FOXN3: variants seen among roughly 807,000 people sequenced by gnomAD.
FOXN3 encodes forkhead box N3.
Under a neutral mutation model 38.4 loss-of-function variants are expected in FOXN3, and 7 were observed. That is an observed-to-expected ratio of 0.18 (90% CI 0.10 to 0.34). The LOEUF (loss-of-function observed/expected upper bound fraction) is 0.34. FOXN3 is among the 10% of genes least tolerant of loss of function. The pLI is 1.00. For missense variants in FOXN3, 456 were observed against 613.4 expected (o/e 0.74, Z 2.71); for synonymous variants, 230 against 242.2 (o/e 0.95, Z 0.47).
chr14:89,232,109 C>T (rs1057106390), intron 4 of FOXN3, among the ~76,000 whole-genome samples: 49 of 152,290 alleles, frequency 3.2e-4, no homozygotes, highest in Admixed American at 2.7e-3. Flanking sequence ...TGCCTCATGG[C>T]GGATGTAGAA....
chr14:89,265,201 C>T (rs1038174975), intron 4 of FOXN3, among the ~76,000 whole-genome samples: 2 of 152,152 alleles, frequency 1.3e-5, no homozygotes, highest in African/African-American at 2.4e-5. Flanking sequence ...CCATCTTTAG[C>T]GATTTTTAAA....
At chr14:89,415,857 C>CAG (rs956548088) in intron 1 of FOXN3, among the ~76,000 whole-genome samples, 8 of 116,368 alleles carry the variant, frequency 6.9e-5, no homozygotes, top group African/African-American at 2.6e-4. Context: ...TACACACACA[C>CAG]ACACACACAC....
At chr14:89,522,991 A>G (rs1323586069) in intron 1 of FOXN3, among the ~76,000 whole-genome samples, 1 of 152,106 alleles carries the variant, frequency 6.6e-6, no homozygotes, top group Admixed American at 6.5e-5. Context: ...TAAATATAAA[A>G]CCACAACTAC....
chr14:89,492,445 AC>A (rs1378121474), intron 1 of FOXN3, among the ~76,000 whole-genome samples: 1 of 151,540 alleles, frequency 6.6e-6, no homozygotes. Flanking sequence ...GGTATGAGCC[AC>A]CATTAAAAAG....
chr14:89,557,843 TAAAAATAC>T (rs1404320924), intron 1 of FOXN3, among the ~76,000 whole-genome samples: 1 of 151,912 alleles, frequency 6.6e-6, no homozygotes, highest in Admixed American at 6.6e-5. Flanking sequence ...CCATCTCTAG[TAAAAATAC>T]AAAAATTAGC....
chr14:89,261,027 G>T (rs988393853), intron 4 of FOXN3, among the ~76,000 whole-genome samples: 1 of 152,168 alleles, frequency 6.6e-6, no homozygotes, highest in African/African-American at 2.4e-5. Flanking sequence ...CATGTGTGCG[G>T]ACTATCTTGA....
intron 3 of FOXN3, among the ~76,000 whole-genome samples, chr14:89,289,767 C>T (rs561349795): frequency 2.0e-5 from 3 of 152,140 alleles, no homozygotes; most frequent in South Asian, 2.1e-4. Flanking sequence ...CATGTGCTCA[C>T]GATAAGAAAA....
intron 2 of FOXN3, chr14:89,351,159 T>C (rs1888953364): frequency 6.2e-6 from 1 of 160,614 alleles, no homozygotes; most frequent in Non-Finnish European, 1.4e-5. Context: ...CTGTGTCAGA[T>C]TTCTAAAGTT....
intron 3 of FOXN3, among the ~76,000 whole-genome samples, chr14:89,334,743 CTTTG>C (rs1027160114): frequency 4.4e-4 from 66 of 151,696 alleles, no homozygotes; most frequent in African/African-American, 1.5e-3. Flanking sequence ...TTGTTTTGTT[CTTTG>C]TTTGTTTTGT....
intron 3 of FOXN3, among the ~76,000 whole-genome samples, chr14:89,324,459 T>C (rs1238653757): frequency 0.023 from 3,523 of 151,276 alleles, 126 homozygotes; most frequent in African/African-American, 0.081. Flanking sequence ...TGTGTGTGTG[T>C]GTGTGTGTGT....
intron 2 of FOXN3, among the ~76,000 whole-genome samples, chr14:89,365,771 T>TA (rs1433054849): frequency 3.3e-5 from 5 of 152,236 alleles, no homozygotes; most frequent in African/African-American, 9.6e-5. Flanking sequence ...GCTGCCATGC[T>TA]ATGCCACTTC....
At chr14:89,289,579 T>C (rs1050057172) in intron 3 of FOXN3, among the ~76,000 whole-genome samples, 3 of 152,240 alleles carry the variant, frequency 2.0e-5, no homozygotes, top group Admixed American at 6.5e-5. Context: ...TAGAAATACA[T>C]ATAAGATGAA....
At chr14:89,208,013 C>T (rs7150805) in intron 4 of FOXN3, among the ~76,000 whole-genome samples, 1 of 151,140 alleles carries the variant, frequency 6.6e-6, no homozygotes, top group Non-Finnish European at 1.5e-5. Flanking sequence ...GGAGTCTATG[C>T]GGGAGGGGAC....
chr14:89,223,197 A>T (rs1307264252), intron 4 of FOXN3: 1 of 152,344 alleles, frequency 6.6e-6, no homozygotes, highest in East Asian at 1.9e-4. Flanking sequence ...TGTATGCTAG[A>T]TCTATGAGGA....
chr14:89,613,975 A>G (rs1451813425), intron 1 of FOXN3, among the ~76,000 whole-genome samples: 1 of 152,226 alleles, frequency 6.6e-6, no homozygotes, highest in Non-Finnish European at 1.5e-5. Flanking sequence ...TGCCACCCCT[A>G]GAAATCCTCA....
At chr14:89,516,606 G>A (rs903372238) in intron 1 of FOXN3, among the ~76,000 whole-genome samples, 1 of 139,876 alleles carries the variant, frequency 7.1e-6, no homozygotes, top group Non-Finnish European at 1.5e-5. Flanking sequence ...CTGTCACCCA[G>A]GCTGGAGTGC....
intron 1 of FOXN3, among the ~76,000 whole-genome samples, chr14:89,480,910 A>G (rs188872196): frequency 6.6e-6 from 1 of 152,228 alleles, no homozygotes; most frequent in Admixed American, 6.5e-5. Flanking sequence ...CATGCAGTAG[A>G]TGACTGTGCC....
intron 3 of FOXN3, among the ~76,000 whole-genome samples, chr14:89,324,435 AGT>A (rs145470710): frequency 8.1e-6 from 1 of 123,478 alleles, no homozygotes; most frequent in African/African-American, 3.3e-5. Flanking sequence ...GAAACAGCTA[AGT>A]GTGTGCGTGT....
chr14:89,218,106 T>G (rs1191386334), intron 4 of FOXN3, among the ~76,000 whole-genome samples: 1 of 152,204 alleles, frequency 6.6e-6, no homozygotes, highest in Non-Finnish European at 1.5e-5. Flanking sequence ...TGGGATTCCT[T>G]GGCAATTCAC....
Sources: gnomAD v4.1 joint callset for allele counts (sites outside exome capture counted in the v4.1 genomes callset) on GRCh38, gnomAD v4.1.1 for gene constraint, MANE v1.5 for transcripts, NCBI Gene and HGNC (gene_info 2026-07-23, HGNC 2026-07-21) for gene names.